The following CAPRIN1 variants were observed in gnomAD, a reference collection of about 807,000 sequenced individuals.
CAPRIN1 encodes the protein caprin-1.
In CAPRIN1, 29 loss-of-function variants were observed where a neutral mutation model predicts 100.9. That is an observed-to-expected ratio of 0.29 (90% CI 0.21 to 0.39). The LOEUF (loss-of-function observed/expected upper bound fraction) is 0.39. CAPRIN1 is among the 10% of genes least tolerant of loss of function. CAPRIN1 has a pLI of 1.00. For missense variants in CAPRIN1, 795 were observed against 876.7 expected (o/e 0.91, Z 1.18); for synonymous variants, 338 against 307.5 (o/e 1.10, Z -1.04).
At chr11:34,070,838 G>A (rs1850792253) in intron 2 of CAPRIN1, among the ~76,000 whole-genome samples, 1 of 152,024 alleles carries the variant, frequency 6.6e-6, no homozygotes, top group African/African-American at 2.4e-5. Flanking sequence ...GAGTAGCTGG[G>A]ATTACAGGCA....
rs1052500180 is a variant in CAPRIN1, at chr11:34,085,725, A to C, written c.967-339A>C. Among the ~76,000 whole-genome samples, 7 of 151,812 alleles carry C rather than the reference A, an allele frequency of 4.6e-5. No homozygotes were observed. In the East Asian group the frequency reaches 1.4e-3, roughly 29 times the overall value. ...AGGCTGAGGCAGGAGAATTGCTTGA[A>C]CCCGGGAGATGGATGTTGCAGTGAG... is the stretch of plus-strand genomic sequence containing the variant. On this transcript the variant is annotated intron_variant, in intron 9 of 18. Coordinates refer to ENST00000341394, the MANE Select transcript of CAPRIN1 (RefSeq NM_005898.5).
Position 34,052,552 on chromosome 11 carries a change from C to G in CAPRIN1, c.132C>G (p.Thr44=), listed in dbSNP as rs763417224. 4.1e-5 allele frequency: 66 copies of G among 1,609,240 alleles called. No individual in the cohort carries two copies. Among genetic ancestry groups the G allele is most frequent in the Non-Finnish European group, 5.0e-5 (59 of 1,178,548 alleles). ...CGCCGGCTTCTCAGCACCCCGCAAC[C>G]GGCACCGGCGCTGTCCAGACCGAGG... is the stretch of plus-strand genomic sequence containing the variant. ...AAAPASQHPA[T]GTGAVQTEAM... The change falls in exon 2 of 19, where the codon ACC becomes ACG. Residue 44 remains threonine, a synonymous_variant. Transcript: ENST00000341394.
intron 1 of CAPRIN1, 98 bp from the exon 2 acceptor site, chr11:34,052,323 C>T (rs1026345712): frequency 1.4e-5 from 14 of 1,019,426 alleles, no homozygotes; most frequent in Admixed American, 7.4e-5. Context: ...GGCTACCGCT[C>T]GCTGCGCGTT....
At chr11:34,054,629 C>G (rs1031002902) in intron 2 of CAPRIN1, among the ~76,000 whole-genome samples, 4 of 152,022 alleles carry the variant, frequency 2.6e-5, no homozygotes, top group Non-Finnish European at 5.9e-5. Context: ...GGGTTTCACC[C>G]TGTTGGCCAG....
chr11:34,072,299 T>C (rs1329787877), intron 4 of CAPRIN1, among the ~76,000 whole-genome samples: 2 of 149,362 alleles, frequency 1.3e-5, no homozygotes, highest in African/African-American at 4.9e-5. Context: ...CTGGGCAACG[T>C]GATAAAACCC....
At chr11:34,094,876 C>T (rs1019292914) in intron 15 of CAPRIN1, among the ~76,000 whole-genome samples, 1 of 151,694 alleles carries the variant, frequency 6.6e-6, no homozygotes, top group African/African-American at 2.4e-5. Flanking sequence ...CCTTTCTTTC[C>T]TTTCCTTTTT....
At chr11:34,052,331 G>GT in intron 1 of CAPRIN1, 90 bp from the exon 2 acceptor site, 2 of 1,088,116 alleles carry the variant, frequency 1.8e-6, no homozygotes, top group Non-Finnish European at 2.7e-6. Flanking sequence ...CTCGCTGCGC[G>GT]TTTTGTCCCG....
At chr11:34,065,408 A>G (rs564925868) in intron 2 of CAPRIN1, among the ~76,000 whole-genome samples, 165 of 152,370 alleles carry the variant, frequency 1.1e-3, no homozygotes, top group Non-Finnish European at 2.0e-3. Flanking sequence ...CATCAGAATC[A>G]CCCAGAAGAC....
rs116171576 is a variant in CAPRIN1, at chr11:34,071,693, C to T, written c.217-33C>T. On this transcript the variant is annotated intron_variant, in intron 2 of 18. Coordinates refer to ENST00000341394, the MANE Select transcript of CAPRIN1 (RefSeq NM_005898.5). Reference sequence around the variant, plus strand: ...CTTAAGCTGGTATATACCTTCAAAACGGAATGTAATTCTTTTTTTTCTTTT... The same window carrying T: ...CTTAAGCTGGTATATACCTTCAAAATGGAATGTAATTCTTTTTTTTCTTTT... The T allele has an allele frequency of 1.8e-4, 266 of 1,507,680 alleles. No homozygotes were observed. The African/African-American group carries it at 3.0e-3, about 17-fold the overall frequency. 93.4% of individuals were successfully genotyped at this position (1,507,680 alleles called of 1,614,324 possible).
intron 7 of CAPRIN1, among the ~76,000 whole-genome samples, chr11:34,082,477 C>G (rs1367970772): frequency 6.6e-6 from 1 of 152,242 alleles, no homozygotes; most frequent in East Asian, 1.9e-4. Context: ...ACATGAGCCA[C>G]TGTGCCTGGC....
At chr11:34,074,998 G>A (rs1185420442) in intron 4 of CAPRIN1, among the ~76,000 whole-genome samples, 1 of 152,010 alleles carries the variant, frequency 6.6e-6, no homozygotes, top group African/African-American at 2.4e-5. Context: ...ACCAGCCTTG[G>A]AAACATAGAC....
At chr11:34,096,782 T>C in intron 16 of CAPRIN1, 109 bp downstream of exon 16, 1 of 714,806 alleles carries the variant, frequency 1.4e-6, no homozygotes, top group Non-Finnish European at 2.3e-6. Context: ...TGCATTAGCC[T>C]CCTATGTGCA....
intron 2 of CAPRIN1, among the ~76,000 whole-genome samples, chr11:34,058,293 C>G (rs542101542): frequency 2.0e-5 from 3 of 152,060 alleles, no homozygotes; most frequent in African/African-American, 7.2e-5. Flanking sequence ...CATGCCACCA[C>G]GCCCAGCTAA....
rs531443288 is a variant in CAPRIN1, at chr11:34,097,525, T to C, written c.2002-173T>C. Among the ~76,000 whole-genome samples, 73 of 152,318 alleles carry C rather than the reference T, an allele frequency of 4.8e-4. 2 individuals are homozygous for C. The highest frequency in any genetic ancestry group is 3.9e-3 in the South Asian group (19 of 4,820). On this transcript the variant is annotated intron_variant, in intron 17 of 18. Transcript: ENST00000341394. ...AGAAATATATTTCACTGAATGTTCT[T>C]TGAGAATAGTAGAAGTACAACAATT...
intron 2 of CAPRIN1, among the ~76,000 whole-genome samples, chr11:34,061,828 G>A (rs139804192): frequency 3.7e-4 from 57 of 152,084 alleles, no homozygotes; most frequent in East Asian, 3.7e-3. Flanking sequence ...AAAATTAGCC[G>A]TGCGTAGTGG....
intron 14 of CAPRIN1, 136 bp from the exon 15 acceptor site, chr11:34,091,770 T>A: frequency 1.4e-6 from 1 of 703,594 alleles, no homozygotes; most frequent in Non-Finnish European, 2.4e-6. Flanking sequence ...TTTTTGTATG[T>A]GTGTGTGATG....
Position 34,076,193 on chromosome 11 carries a change from T to TA in CAPRIN1, c.367-42dup, listed in dbSNP as rs569568544. ...ACCTGAAATGGATTGAACTAAGTTT[T>TA]ATATAACTAATTTTGGTGTTTTACT... On this transcript the variant is annotated intron_variant, in intron 4 of 18. Transcript: ENST00000341394. 98 of 1,462,756 alleles carry TA rather than the reference T, an allele frequency of 6.7e-5. No homozygotes were observed. The African/African-American group carries it at 1.3e-3, about 19-fold the overall frequency. The allele number at this position is 1,462,756 out of a possible 1,614,324, so 90.6% of individuals were successfully genotyped here. A position where few individuals can be genotyped will look rare whatever the true frequency, so the allele number is the denominator to read the frequency against.
At chr11:34,093,369 G>A (rs1346670763) in intron 15 of CAPRIN1, among the ~76,000 whole-genome samples, 1 of 151,786 alleles carries the variant, frequency 6.6e-6, no homozygotes, top group Non-Finnish European at 1.5e-5. Flanking sequence ...GCCTCCAGCA[G>A]TCCTCCCACC....
intron 8 of CAPRIN1, 38 bp downstream of exon 8, chr11:34,082,915 CT>C: frequency 6.2e-7 from 1 of 1,612,388 alleles, no homozygotes; most frequent in Non-Finnish European, 8.5e-7. Context: ...ACTTTGCTGC[CT>C]TTCAAACAAA....
Sources: allele counts gnomAD v4.1 joint callset (sites outside exome capture counted in the v4.1 genomes callset), GRCh38; gene constraint gnomAD v4.1.1; transcripts MANE v1.5; gene names NCBI Gene and HGNC (gene_info 2026-07-23, HGNC 2026-07-21).